GALNTL6: variants seen among roughly 807,000 people sequenced by gnomAD.
GALNTL6 encodes the protein polypeptide N-acetylgalactosaminyltransferase-like 6.
In GALNTL6, 46 loss-of-function variants were observed where a neutral mutation model predicts 73.7. The ratio of observed to expected loss-of-function variants is 0.62; its 90% CI spans 0.49 to 0.80. The LOEUF is 0.80. GALNTL6 is among the 30% of genes least tolerant of loss of function. GALNTL6 has a pLI of 0.00. For synonymous variants in GALNTL6, 259 were observed against 263.7 expected (o/e 0.98, Z 0.17); for missense variants, 604 against 755.0 (o/e 0.80, Z 2.34).
intron 2 of GALNTL6, among the ~76,000 whole-genome samples, chr4:172,057,262 AAATTAGCC>A (rs1731042790): frequency 6.6e-6 from 1 of 152,030 alleles, no homozygotes. Context: ...AGTACCAAAA[AAATTAGCC>A]AGTTGTAGTG....
At chr4:171,944,876 T>C (rs1166792388) in intron 2 of GALNTL6, among the ~76,000 whole-genome samples, 1 of 152,056 alleles carries the variant, frequency 6.6e-6, no homozygotes, top group East Asian at 1.9e-4. Context: ...GATAATGATA[T>C]CAGTTAAGTC....
At chr4:172,111,153 C>A (rs1732840753) in intron 2 of GALNTL6, among the ~76,000 whole-genome samples, 1 of 151,870 alleles carries the variant, frequency 6.6e-6, no homozygotes, top group East Asian at 1.9e-4. Context: ...AGTAAAATTA[C>A]TTAGGAGAAC....
At chr4:172,781,650 C>T (rs895427629) in intron 5 of GALNTL6, among the ~76,000 whole-genome samples, 23 of 152,058 alleles carry the variant, frequency 1.5e-4, no homozygotes, top group Admixed American at 9.2e-4. Flanking sequence ...CAAAATTCTA[C>T]GTAGCTGCAA....
At chr4:172,725,634 G>C (rs1735751205) in intron 5 of GALNTL6, among the ~76,000 whole-genome samples, 4 of 152,202 alleles carry the variant, frequency 2.6e-5, no homozygotes, top group Non-Finnish European at 5.9e-5. Flanking sequence ...TTAGAATTAG[G>C]TGTAGAAGGG....
intron 12 of GALNTL6, among the ~76,000 whole-genome samples, chr4:173,037,932 G>A (rs1472111904): frequency 3.3e-5 from 5 of 152,078 alleles, no homozygotes; most frequent in South Asian, 4.1e-4. Flanking sequence ...TATTAGAGAC[G>A]GGGTTTCACC....
At chr4:171,941,105 T>G (rs1738529170) in intron 2 of GALNTL6, among the ~76,000 whole-genome samples, 2 of 152,180 alleles carry the variant, frequency 1.3e-5, no homozygotes, top group Admixed American at 6.5e-5. Context: ...ATATCATTAA[T>G]AATAGCTACA....
intron 2 of GALNTL6, among the ~76,000 whole-genome samples, chr4:172,179,068 G>C (rs1460169161): frequency 6.9e-6 from 1 of 144,608 alleles, no homozygotes; most frequent in Non-Finnish European, 1.5e-5. Context: ...TTGGACATTT[G>C]GGTTGGTTCC....
chr4:172,368,864 G>A (rs565946462), intron 5 of GALNTL6, among the ~76,000 whole-genome samples: 1 of 152,332 alleles, frequency 6.6e-6, no homozygotes, highest in South Asian at 2.1e-4. Context: ...TGTGTCTGGA[G>A]TTTCTTCCTT....
chr4:171,835,904 A>C (rs1452529367), intron 2 of GALNTL6, among the ~76,000 whole-genome samples: 1 of 152,060 alleles, frequency 6.6e-6, no homozygotes, highest in Non-Finnish European at 1.5e-5. Flanking sequence ...AAAATAAAAA[A>C]ATATTTTTTA....
intron 2 of GALNTL6, among the ~76,000 whole-genome samples, chr4:171,960,193 T>C (rs1739179026): frequency 1.3e-5 from 2 of 152,158 alleles, no homozygotes; most frequent in African/African-American, 4.8e-5. Flanking sequence ...GCCTCTAACA[T>C]CAGGGACACA....
At chr4:173,002,326 A>G (rs1752078494) in intron 10 of GALNTL6, among the ~76,000 whole-genome samples, 1 of 150,566 alleles carries the variant, frequency 6.6e-6, no homozygotes, top group Non-Finnish European at 1.5e-5. Flanking sequence ...GGAGGTGGAG[A>G]GTACAGTGAG....
At chr4:172,879,530 T>C (rs573866804) in intron 7 of GALNTL6, among the ~76,000 whole-genome samples, 1 of 151,988 alleles carries the variant, frequency 6.6e-6, no homozygotes, top group South Asian at 2.1e-4. Context: ...ATATAACATA[T>C]AGGTCAAAAA....
chr4:172,180,743 A>G (rs371062696), intron 2 of GALNTL6, among the ~76,000 whole-genome samples: 68 of 152,228 alleles, frequency 4.5e-4, no homozygotes, highest in African/African-American at 1.6e-3. Context: ...AGGTTTGTCA[A>G]AGATCAGATG....
At chr4:171,973,705 A>T (rs568640204) in intron 2 of GALNTL6, among the ~76,000 whole-genome samples, 1 of 152,342 alleles carries the variant, frequency 6.6e-6, no homozygotes, top group African/African-American at 2.4e-5. Context: ...AATTCAATCC[A>T]CAGCAGGACC....
intron 7 of GALNTL6, among the ~76,000 whole-genome samples, chr4:172,832,972 C>T (rs866830716): frequency 2.0e-5 from 3 of 152,252 alleles, no homozygotes; most frequent in African/African-American, 7.2e-5. Flanking sequence ...CTTGTGCAGG[C>T]CTATGTCACA....
chr4:172,524,017 A>G (rs935151193), intron 5 of GALNTL6, among the ~76,000 whole-genome samples: 3 of 152,170 alleles, frequency 2.0e-5, no homozygotes, highest in Non-Finnish European at 4.4e-5. Flanking sequence ...AACCACCAGT[A>G]TAAGTTCTAT....
At chr4:172,695,620 T>C (rs1461998945) in intron 5 of GALNTL6, among the ~76,000 whole-genome samples, 1 of 152,230 alleles carries the variant, frequency 6.6e-6, no homozygotes, top group Non-Finnish European at 1.5e-5. Context: ...GTGTTTTCTT[T>C]CTAATTTATT....
At chr4:171,890,309 A>G (rs1358822235) in intron 2 of GALNTL6, among the ~76,000 whole-genome samples, 1 of 152,150 alleles carries the variant, frequency 6.6e-6, no homozygotes, top group Non-Finnish European at 1.5e-5. Context: ...GCTCTAGAGG[A>G]AAATCAGAAA....
chr4:172,102,819 G>T (rs1270158427), intron 2 of GALNTL6, among the ~76,000 whole-genome samples: 2 of 152,210 alleles, frequency 1.3e-5, no homozygotes, highest in Non-Finnish European at 2.9e-5. Flanking sequence ...TAGATCAGGG[G>T]AGGTCACCTC....
Sources: allele counts gnomAD v4.1 joint callset (sites outside exome capture counted in the v4.1 genomes callset), GRCh38; gene constraint gnomAD v4.1.1; transcripts MANE v1.5; gene names NCBI Gene and HGNC (gene_info 2026-07-23, HGNC 2026-07-21).